The following FAM135A variants were observed in gnomAD, a reference collection of about 807,000 sequenced individuals.
FAM135A encodes protein FAM135A.
Under a neutral mutation model 146.8 loss-of-function variants are expected in FAM135A, and 79 were observed. That is an observed-to-expected ratio of 0.54 (90% CI 0.45 to 0.65). The LOEUF (loss-of-function observed/expected upper bound fraction) is 0.65. FAM135A is among the 30% of genes least tolerant of loss of function. The pLI, the probability that FAM135A is intolerant of heterozygous loss-of-function variation, is 0.00. For missense variants in FAM135A, 1,623 were observed against 1,758.2 expected (o/e 0.92, Z 1.38); for synonymous variants, 562 against 603.6 (o/e 0.93, Z 1.01).
intron 12 of FAM135A, chr6:70,504,877 G>A (rs1299797791): frequency 2.0e-5 from 3 of 151,780 alleles, no homozygotes; most frequent in Non-Finnish European, 2.9e-5. Flanking sequence ...GGAGGCTGAG[G>A]CAGGTGGTAG....
intron 20 of FAM135A, among the ~76,000 whole-genome samples, chr6:70,554,098 T>C (rs1469427865): frequency 6.6e-6 from 1 of 152,160 alleles, no homozygotes; most frequent in East Asian, 1.9e-4. Context: ...GCCAGAAATT[T>C]AGATTTGAGG....
chr6:70,488,974 A>G (rs1480125143), intron 10 of FAM135A, among the ~76,000 whole-genome samples: 2 of 152,304 alleles, frequency 1.3e-5, no homozygotes, highest in Non-Finnish European at 2.9e-5. Context: ...TTAGAGTTAA[A>G]TTATGCTTTT....
In FAM135A at chr6:70,536,380, A is replaced by G. The variant is rs144524948; in HGVS notation, c.4086A>G (p.Thr1362=). 120 of 1,611,956 alleles carry G rather than the reference A, an allele frequency of 7.4e-5. No individual in the cohort carries two copies. Among genetic ancestry groups the G allele is most frequent in the Admixed American group, 6.2e-4 (37 of 59,566 alleles). The change falls in exon 19 of 22, where the codon ACA becomes ACG. Residue 1362 remains threonine, a synonymous_variant. Coordinates refer to ENST00000418814, the MANE Select transcript of FAM135A (RefSeq NM_001162529.3). ...CTCTTTCTGGACCTCACCTTGGTAC[A>G]CTCTACAACAGCAGTGCTCTTGTTA... is the stretch of plus-strand genomic sequence containing the variant. ...FLSLSGPHLG[T]LYNSSALVNT...
At chr6:70,435,100 TATATATA>T (rs1316488649) in intron 4 of FAM135A, among the ~76,000 whole-genome samples, 82 of 124,146 alleles carry the variant, frequency 6.6e-4, no homozygotes, top group Middle Eastern at 4.1e-3. Context: ...TATATATATA[TATATATA>T]TATTTTTTTT....
chr6:70,424,338 CATA>C (rs1476972836), intron 2 of FAM135A, among the ~76,000 whole-genome samples: 1 of 152,206 alleles, frequency 6.6e-6, no homozygotes, highest in East Asian at 1.9e-4. Context: ...CCGTCAGAAA[CATA>C]ATAGGATTCT....
At chr6:70,459,368 TG>T (rs1778976771) in intron 5 of FAM135A, among the ~76,000 whole-genome samples, 1 of 152,216 alleles carries the variant, frequency 6.6e-6, no homozygotes, top group Non-Finnish European at 1.5e-5. Context: ...TACAGCTTAT[TG>T]CCATACATTT....
In FAM135A at chr6:70,466,269, A is replaced by G. The variant is rs995602972; in HGVS notation, c.158-9141A>G. ...CCTTTCATTTAAGAAATAGAACATT[A>G]CTAGTACTGTAAAATCCTCCTGTAT... is the stretch of plus-strand genomic sequence containing the variant. On this transcript the variant is annotated intron_variant, in intron 5 of 21. Transcript: ENST00000418814. Among the ~76,000 whole-genome samples the G allele has an allele frequency of 1.3e-5, 2 of 152,162 alleles. 1 individual carries two copies. Among genetic ancestry groups the G allele is most frequent in the South Asian group, 4.1e-4 (2 of 4,824 alleles).
intron 10 of FAM135A, chr6:70,486,077 A>G (rs1170519402): frequency 1.0e-6 from 1 of 994,694 alleles, no homozygotes; most frequent in East Asian, 2.5e-5. Context: ...GATCAACACT[A>G]AGTCTATTAT....
intron 5 of FAM135A, among the ~76,000 whole-genome samples, chr6:70,462,558 C>A: frequency 6.6e-6 from 1 of 151,636 alleles, no homozygotes; most frequent in East Asian, 1.9e-4. Context: ...AAAAAAAGTT[C>A]TCCATTTTGA....
chr6:70,533,638 A>G (rs1482337575), intron 17 of FAM135A, 119 bp from the exon 18 acceptor site: 1 of 656,086 alleles, frequency 1.5e-6, no homozygotes, highest in Non-Finnish European at 2.5e-6. Flanking sequence ...TAACTTCTCT[A>G]TAAAACATTG....
At chr6:70,528,512 C>T (rs564315234) in intron 16 of FAM135A, 60 bp downstream of exon 16, 2 of 1,360,484 alleles carry the variant, frequency 1.5e-6, no homozygotes, top group East Asian at 5.2e-5. Context: ...CCTAATAGAT[C>T]TCATTTAGTT....
intron 12 of FAM135A, among the ~76,000 whole-genome samples, chr6:70,515,033 G>T (rs1791889102): frequency 6.6e-6 from 1 of 152,160 alleles, no homozygotes; most frequent in African/African-American, 2.4e-5. Context: ...GTTATCATAT[G>T]TTATTAGAGA....
intron 16 of FAM135A, 42 bp downstream of exon 16, chr6:70,528,494 A>AT: frequency 1.4e-6 from 2 of 1,414,232 alleles, no homozygotes; most frequent in Non-Finnish European, 1.9e-6. Flanking sequence ...AACTCAATAT[A>AT]TTTTTTTCCT....
intron 20 of FAM135A, among the ~76,000 whole-genome samples, chr6:70,545,324 A>G (rs995772732): frequency 6.6e-6 from 1 of 152,066 alleles, no homozygotes; most frequent in African/African-American, 2.4e-5. Context: ...AAAGAGTACT[A>G]TTTTCTGGCT....
intron 11 of FAM135A, 68 bp from the exon 12 acceptor site, chr6:70,502,567 TA>T: frequency 6.7e-7 from 1 of 1,488,834 alleles, no homozygotes; most frequent in Non-Finnish European, 9.1e-7. Flanking sequence ...ATATTCTCAA[TA>T]ACATTATATT....
intron 16 of FAM135A, among the ~76,000 whole-genome samples, chr6:70,531,067 T>C (rs923571808): frequency 2.0e-5 from 3 of 152,198 alleles, no homozygotes; most frequent in African/African-American, 7.2e-5. Flanking sequence ...AAAATTGCCC[T>C]CTTCATGAGA....
chr6:70,488,219 G>C (rs1442327651), intron 10 of FAM135A, among the ~76,000 whole-genome samples: 5 of 151,974 alleles, frequency 3.3e-5, no homozygotes, highest in Admixed American at 3.3e-4. Flanking sequence ...GTGGAATACA[G>C]AATATATCAT....
chr6:70,413,799 T>C (rs1766808239), intron 1 of FAM135A, 97 bp downstream of exon 1: 5 of 985,104 alleles, frequency 5.1e-6, no homozygotes, highest in Non-Finnish European at 6.0e-6. Flanking sequence ...GGAAGCGGCC[T>C]CCTCTTCGTC....
At chr6:70,449,105 A>G (rs935732296) in intron 4 of FAM135A, among the ~76,000 whole-genome samples, 4 of 152,248 alleles carry the variant, frequency 2.6e-5, no homozygotes, top group African/African-American at 9.6e-5. Flanking sequence ...GATACATTCT[A>G]ACAGAGAAGT....
Sources: allele counts gnomAD v4.1 joint callset (sites outside exome capture counted in the v4.1 genomes callset), GRCh38; gene constraint gnomAD v4.1.1; transcripts MANE v1.5; gene names NCBI Gene and HGNC (gene_info 2026-07-23, HGNC 2026-07-21).